The following USP8 variants were observed in gnomAD, a reference collection of about 807,000 sequenced individuals.
USP8 encodes ubiquitin specific peptidase 8.
Under a neutral mutation model 130.0 loss-of-function variants are expected in USP8, and 27 were observed. The ratio of observed to expected loss-of-function variants is 0.21; its 90% CI spans 0.15 to 0.29. USP8 has a LOEUF of 0.29. Ranked by LOEUF, USP8 falls within the 10% of genes least tolerant of loss-of-function variation. The probability of loss-of-function intolerance (pLI) is 1.00; values close to 1 mark genes in which losing one functional copy is unlikely to be tolerated. For synonymous variants in USP8, 392 were observed against 444.1 expected (o/e 0.88, Z 1.48); for missense variants, 1,029 against 1,312.2 (o/e 0.78, Z 3.33).
intron 15 of USP8, 85 bp from the exon 16 acceptor site, chr15:50,493,985 T>A: frequency 6.9e-7 from 1 of 1,444,062 alleles, no homozygotes; most frequent in Non-Finnish European, 9.7e-7. Context: ...GTGAATAATT[T>A]CATGTTGACA....
chr15:50,498,478 C>T, intron 18 of USP8, 118 bp from the exon 19 acceptor site: 3 of 1,341,722 alleles, frequency 2.2e-6, no homozygotes, highest in South Asian at 3.7e-5. Context: ...ACTAAAATTC[C>T]AAGTCTTTGT....
chr15:50,439,571 C>T (rs1262147455), intron 2 of USP8, among the ~76,000 whole-genome samples: 1 of 151,934 alleles, frequency 6.6e-6, no homozygotes, highest in Non-Finnish European at 1.5e-5. Context: ...GGCGGATCAC[C>T]TAAGGTCAGG....
chr15:50,500,399 C>CTA lies in USP8; in HGVS notation c.*1316_*1317dup. On this transcript the variant is annotated 3_prime_UTR_variant, in exon 20 of 20. Coordinates refer to ENST00000307179, the MANE Select transcript of USP8 (RefSeq NM_005154.5). ...CACTGAATTTTGAAACCTGAACTCA[C>CTA]TATATAATTGCAGTGTTTTGAAGGC... The CTA allele has an allele frequency of 5.9e-6, 1 of 168,978 alleles. No homozygotes were observed. The highest frequency in any genetic ancestry group is 2.4e-5 in the African/African-American group (1 of 42,352). 10.5% of individuals were successfully genotyped at this position (168,978 alleles called of 1,614,324 possible). A position where few individuals can be genotyped will look rare whatever the true frequency, so the allele number is the denominator to read the frequency against.
intron 16 of USP8, among the ~76,000 whole-genome samples, chr15:50,495,231 TGTATATATATATAC>T (rs775376175): frequency 0.14 from 19,627 of 141,584 alleles, 2,074 homozygotes; most frequent in Admixed American, 0.27. Flanking sequence ...AAAATATTTG[TGTATATATATATAC>T]GTGTATATAT....
intron 9 of USP8, 88 bp from the exon 10 acceptor site, chr15:50,477,188 T>G: frequency 2.3e-6 from 3 of 1,328,408 alleles, no homozygotes; most frequent in Non-Finnish European, 3.1e-6. Flanking sequence ...AGTTTACATT[T>G]AATTACTGCA....
chr15:50,453,351 CT>C (rs2050684265), intron 4 of USP8, among the ~76,000 whole-genome samples: 1 of 152,162 alleles, frequency 6.6e-6, no homozygotes, highest in Non-Finnish European at 1.5e-5. Context: ...CCCAGTAGAA[CT>C]TTATAATTTA....
intron 4 of USP8, chr15:50,458,576 GGACCTTGGTAA>G (rs2050872264): frequency 6.2e-6 from 1 of 162,048 alleles, no homozygotes; most frequent in Non-Finnish European, 1.3e-5. Flanking sequence ...ATGTAACTTG[GGACCTTGGTAA>G]GACTTTCCAC....
At chr15:50,454,302 C>T (rs527554082) in intron 4 of USP8, among the ~76,000 whole-genome samples, 16 of 152,206 alleles carry the variant, frequency 1.1e-4, no homozygotes, top group Admixed American at 8.5e-4. Flanking sequence ...CATTTTTCTG[C>T]CTCATTTTTA....
chr15:50,454,045 G>T (rs2050710509), intron 4 of USP8, among the ~76,000 whole-genome samples: 1 of 151,706 alleles, frequency 6.6e-6, no homozygotes, highest in African/African-American at 2.4e-5. Flanking sequence ...GTATTTTTTG[G>T]TAGAGATGGG....
At chr15:50,470,094 A>G (rs1159615594) in intron 7 of USP8, among the ~76,000 whole-genome samples, 1 of 152,106 alleles carries the variant, frequency 6.6e-6, no homozygotes, top group African/African-American at 2.4e-5. Flanking sequence ...TGGCCTCCCA[A>G]AGGGCTGGGA....
intron 18 of USP8, among the ~76,000 whole-genome samples, chr15:50,497,850 TGA>T (rs2052476791): frequency 6.6e-6 from 1 of 152,198 alleles, no homozygotes; most frequent in Non-Finnish European, 1.5e-5. Flanking sequence ...ACTTTTTTAT[TGA>T]GAGCTGTAAT....
chr15:50,495,933 A>G lies in USP8; in HGVS notation c.2744A>G (p.Lys915Arg), dbSNP rs2052383913. ...KAAEHAWQKHKQLNESIIVAL... is the reference protein window; with the variant it reads ...KAAEHAWQKHRQLNESIIVAL... ...GCAGAACATGCCTGGCAGAAACACA[A>G]GCAGCTCAATGAGTCTATTATTGTT... Residue 915 changes from lysine to arginine, a missense_variant, in exon 17 of 20, where the codon AAG (lysine) becomes AGG (arginine). Lys to Arg is a conservative substitution (Grantham distance 26). Around this residue, in one of 4 missense-constraint regions of USP8, gnomAD observed 257 missense variants for 429.8 expected, o/e 0.60. Coordinates refer to ENST00000307179, the MANE Select transcript of USP8 (RefSeq NM_005154.5). The G allele has an allele frequency of 1.9e-6, 3 of 1,613,806 alleles. No individual in the cohort carries two copies. The highest frequency in any genetic ancestry group is 1.7e-4 in the Middle Eastern group (1 of 5,896).
chr15:50,467,082 AC>A, intron 7 of USP8: 1 of 556,860 alleles, frequency 1.8e-6, no homozygotes, highest in Non-Finnish European at 2.8e-6. Flanking sequence ...GGTGGAAGTC[AC>A]CATTGGAGAT....
At position 50,477,403 on chromosome 15, in the gene USP8, A is replaced by G; in HGVS notation, c.1122A>G (p.Pro374=). ...GTGGTCAAAATGAGAGAATGGGACC[A>G]CTGAATATATCAACTCCAGTTGAAC... ...LISGQNERMG[P]LNISTPVEPV... is the part of the protein sequence containing the mutation. Residue 374 remains proline (P), a synonymous_variant, in exon 10 of 20, where the codon CCA becomes CCG. Coordinates refer to ENST00000307179, the MANE Select transcript of USP8 (RefSeq NM_005154.5). 6.2e-7 allele frequency: 1 copy of G among 1,614,200 alleles called. No individual in the cohort carries two copies. The highest frequency in any genetic ancestry group is 2.2e-5 in the East Asian group (1 of 44,876).
At chr15:50,494,633 T>C (rs1169104306) in intron 16 of USP8, among the ~76,000 whole-genome samples, 2 of 152,264 alleles carry the variant, frequency 1.3e-5, no homozygotes, top group Non-Finnish European at 2.9e-5. Context: ...AATATGTATA[T>C]GTTATTGTAC....
At chr15:50,472,573 G>A (rs2051416235) in intron 8 of USP8, among the ~76,000 whole-genome samples, 1 of 149,136 alleles carries the variant, frequency 6.7e-6, no homozygotes, top group African/African-American at 2.5e-5. Flanking sequence ...CTCCAGCCTG[G>A]GAGACAGAGC....
At chr15:50,448,298 G>A (rs978289605) in intron 3 of USP8, among the ~76,000 whole-genome samples, 4 of 152,038 alleles carry the variant, frequency 2.6e-5, no homozygotes, top group African/African-American at 9.7e-5. Flanking sequence ...ACATGTTGTG[G>A]CAAATTGGAT....
rs548575923 is a variant in USP8, at chr15:50,473,549, G to C, written c.849+1754G>C. Among the ~76,000 whole-genome samples, 8 of 151,664 alleles carry C rather than the reference G, an allele frequency of 5.3e-5. No individual in the cohort carries two copies. The South Asian group carries it at 1.5e-3, about 28-fold the overall frequency. On this transcript the variant is annotated intron_variant, in intron 8 of 19. Coordinates refer to ENST00000307179, the MANE Select transcript of USP8 (RefSeq NM_005154.5). Reference sequence around the variant, plus strand: ...AGGTTTTTCTCAGTCACCTAGACTTGAGTGCAGTGGCACAATCATAGCTCA... The same window carrying C: ...AGGTTTTTCTCAGTCACCTAGACTTCAGTGCAGTGGCACAATCATAGCTCA...
At chr15:50,441,516 T>A (rs1180980254) in intron 3 of USP8, 23 bp downstream of exon 3, 7 of 1,533,242 alleles carry the variant, frequency 4.6e-6, no homozygotes, top group Non-Finnish European at 6.1e-6. Flanking sequence ...TTTGCATTGT[T>A]ATTTCCTAAG....
Sources: allele counts gnomAD v4.1 joint callset (sites outside exome capture counted in the v4.1 genomes callset), GRCh38; gene constraint gnomAD v4.1.1; regional missense constraint gnomAD v4.1.1; transcripts MANE v1.5; gene names NCBI Gene and HGNC (gene_info 2026-07-23, HGNC 2026-07-21).